Variants in NAALADL2 observed in about 807,000 individuals in gnomAD.
NAALADL2 encodes N-acetylated alpha-linked acidic dipeptidase like 2, also known as inactive N-acetylated-alpha-linked acidic dipeptidase-like protein 2.
A neutral mutation model predicts 87.2 loss-of-function variants in NAALADL2; 76 were observed. That is an observed-to-expected ratio of 0.87 (90% CI 0.72 to 1.05). The LOEUF (loss-of-function observed/expected upper bound fraction) is 1.05. Among genes scored for constraint, NAALADL2 ranks in the 50% least tolerant of loss-of-function variants. The pLI, the probability that NAALADL2 is intolerant of heterozygous loss-of-function variation, is 0.00. For synonymous variants in NAALADL2, 354 were observed against 331.0 expected, an observed-to-expected ratio of 1.07 and a Z score of -0.75; for missense variants, 1,089 against 945.8, an observed-to-expected ratio of 1.15 and a Z score of -1.99.
chr3:174,952,254 A>G (rs749559372), intron 1 of NAALADL2, among the ~76,000 whole-genome samples: 2 of 152,136 alleles, frequency 1.3e-5, no homozygotes, highest in African/African-American at 2.4e-5. Context: ...TTATATTTTA[A>G]TCTTCAGCAC....
chr3:175,714,501 A>AC (rs1740974046), intron 11 of NAALADL2, among the ~76,000 whole-genome samples: 1 of 151,630 alleles, frequency 6.6e-6, no homozygotes, highest in African/African-American at 2.4e-5. Flanking sequence ...GCTTTTTTTC[A>AC]TTTGTTTTTT....
chr3:174,617,569 A>G (rs1167590058), intron 2 of NAALADL2, among the ~76,000 whole-genome samples: 3 of 151,724 alleles, frequency 2.0e-5, no homozygotes, highest in African/African-American at 4.8e-5. Context: ...AACAAACTGT[A>G]TGTAAATAAA....
chr3:175,054,416 C>T (rs1479229186), intron 1 of NAALADL2, among the ~76,000 whole-genome samples: 1 of 152,170 alleles, frequency 6.6e-6, no homozygotes, highest in African/African-American at 2.4e-5. Context: ...GAAGGCAATC[C>T]TGGCTGTAAT....
At chr3:175,590,214 ATATATATATATATATATATATAT>A (rs1721206171) in intron 10 of NAALADL2, among the ~76,000 whole-genome samples, 1 of 146,888 alleles carries the variant, frequency 6.8e-6, no homozygotes, top group African/African-American at 2.5e-5. Context: ...TCCGTCTAAT[ATATATATATATATATATATATAT>A]ATATATATAT....
chr3:175,317,502 A>G (rs1339156548), intron 4 of NAALADL2, among the ~76,000 whole-genome samples: 1 of 151,976 alleles, frequency 6.6e-6, no homozygotes, highest in Non-Finnish European at 1.5e-5. Flanking sequence ...CTCTCAAGAT[A>G]GAAATATTTG....
chr3:174,785,648 C>G (rs1277976593), intron 3 of NAALADL2, among the ~76,000 whole-genome samples: 1 of 152,068 alleles, frequency 6.6e-6, no homozygotes, highest in Non-Finnish European at 1.5e-5. Flanking sequence ...GTGACTATTA[C>G]ACGTGATGTT....
chr3:175,085,506 T>A (rs1009140114), intron 1 of NAALADL2, among the ~76,000 whole-genome samples: 2 of 152,182 alleles, frequency 1.3e-5, no homozygotes, highest in Admixed American at 1.3e-4. Context: ...TCAAGTGTTA[T>A]AAATTACTCA....
At chr3:175,589,711 T>C (rs1721084570) in intron 10 of NAALADL2, among the ~76,000 whole-genome samples, 1 of 151,668 alleles carries the variant, frequency 6.6e-6, no homozygotes, top group Non-Finnish European at 1.5e-5. Context: ...GAATTGATAT[T>C]TGTTCCTCTC....
rs186456443 is a variant in NAALADL2, at chr3:175,698,309, A to T, written c.1897-38997A>T. ...TGTATGTATACATATATATGTGTAT[A>T]TATGTATGTGTATTTATGTATGTGT... is the stretch of plus-strand genomic sequence containing the variant. On this transcript the variant is annotated intron_variant, in intron 11 of 13. Transcript: ENST00000454872. 4.7e-4 allele frequency among the ~76,000 whole-genome samples: 34 copies of T among 72,008 alleles called. 5 individuals carry two copies. The East Asian group carries it at 7.0e-3, about 15-fold the overall frequency. The allele number at this position is 72,008 out of a possible 152,430, so 47.2% of individuals were successfully genotyped here. A position where few individuals can be genotyped will look rare whatever the true frequency, so the allele number is the denominator to read the frequency against.
At chr3:175,158,484 G>T (rs913495939) in intron 2 of NAALADL2, among the ~76,000 whole-genome samples, 2 of 151,988 alleles carry the variant, frequency 1.3e-5, no homozygotes, top group African/African-American at 4.8e-5. Context: ...GAAAATTGGG[G>T]AATAGAACTT....
At chr3:175,067,666 T>A (rs140275728) in intron 1 of NAALADL2, among the ~76,000 whole-genome samples, 3 of 152,074 alleles carry the variant, frequency 2.0e-5, no homozygotes, top group African/African-American at 7.3e-5. Flanking sequence ...GCTTAGTTAC[T>A]GTGGAAAGCA....
At chr3:174,463,309 A>C (rs1716323012) in intron 1 of NAALADL2, among the ~76,000 whole-genome samples, 1 of 152,244 alleles carries the variant, frequency 6.6e-6, no homozygotes, top group South Asian at 2.1e-4. Flanking sequence ...TGTTGGAAAC[A>C]GTAATAATGT....
intron 13 of NAALADL2, among the ~76,000 whole-genome samples, chr3:175,757,141 A>G (rs1266004876): frequency 2.6e-5 from 4 of 151,834 alleles, no homozygotes; most frequent in South Asian, 2.1e-4. Flanking sequence ...TCTTCCCCCA[A>G]TATCTCTTTG....
At chr3:174,555,885 C>T (rs1174920305) in intron 2 of NAALADL2, among the ~76,000 whole-genome samples, 1 of 151,970 alleles carries the variant, frequency 6.6e-6, no homozygotes, top group Non-Finnish European at 1.5e-5. Context: ...TTCTCAATTT[C>T]TGACGTGCTG....
At chr3:174,609,506 C>T (rs375651101) in intron 2 of NAALADL2, among the ~76,000 whole-genome samples, 7 of 152,088 alleles carry the variant, frequency 4.6e-5, no homozygotes, top group Non-Finnish European at 8.8e-5. Context: ...CACAAGCATT[C>T]TTATACACCA....
intron 4 of NAALADL2, among the ~76,000 whole-genome samples, chr3:175,297,274 T>C (rs1756508696): frequency 1.3e-5 from 2 of 152,190 alleles, no homozygotes; most frequent in African/African-American, 4.8e-5. Context: ...GTGTTCAACA[T>C]AGCACTCCTA....
At chr3:174,893,270 C>A (rs988449216) in intron 1 of NAALADL2, among the ~76,000 whole-genome samples, 19 of 152,004 alleles carry the variant, frequency 1.2e-4, no homozygotes, top group African/African-American at 4.6e-4. Context: ...TTCATCAATA[C>A]CAGACCCATC....
chr3:175,083,203 C>T (rs1337949460), intron 1 of NAALADL2, among the ~76,000 whole-genome samples: 2 of 152,196 alleles, frequency 1.3e-5, no homozygotes, highest in Admixed American at 6.5e-5. Flanking sequence ...CTTTTGTCCC[C>T]TGTTCCCCCG....
At chr3:175,410,519 G>T in intron 5 of NAALADL2, among the ~76,000 whole-genome samples, 1 of 152,052 alleles carries the variant, frequency 6.6e-6, no homozygotes, top group Non-Finnish European at 1.5e-5. Context: ...ACTTACTCAT[G>T]CCAGGCATTC....
Sources: gnomAD v4.1 joint callset for allele counts (sites outside exome capture counted in the v4.1 genomes callset) on GRCh38, gnomAD v4.1.1 for gene constraint, MANE v1.5 for transcripts, NCBI Gene and HGNC (gene_info 2026-07-23, HGNC 2026-07-21) for gene names.